SRGAP2: variants seen among roughly 807,000 people sequenced by gnomAD.
SRGAP2 encodes the protein SLIT-ROBO Rho GTPase-activating protein 2.
In SRGAP2, 15 loss-of-function variants were observed where a neutral mutation model predicts 57.2. The ratio of observed to expected loss-of-function variants is 0.26; its 90% CI spans 0.18 to 0.40. The LOEUF (loss-of-function observed/expected upper bound fraction) is 0.40, where lower values mean the gene tolerates loss of function less well. SRGAP2 is among the 10% of genes least tolerant of loss of function. The pLI is 1.00. For missense variants in SRGAP2, 520 were observed against 669.6 expected (o/e 0.78, Z 2.47); for synonymous variants, 249 against 248.0 (o/e 1.00, Z -0.04).
intron 2 of SRGAP2, among the ~76,000 whole-genome samples, chr1:206,237,318 C>T (rs1192859225): frequency 1.3e-5 from 2 of 152,118 alleles, no homozygotes; most frequent in African/African-American, 4.8e-5. Flanking sequence ...TGAATGTACA[C>T]GTATTCACAA....
chr1:206,312,998 G>A (rs2987942), intron 3 of SRGAP2, among the ~76,000 whole-genome samples: 1,868 of 119,084 alleles, frequency 0.016, no homozygotes, highest in East Asian at 0.047. Context: ...ATTACCTTTC[G>A]GTCATAGCTC....
At chr1:206,437,857 A>T (rs993707333) in intron 15 of SRGAP2, 107 bp from the exon 16 acceptor site, 8 of 722,142 alleles carry the variant, frequency 1.1e-5, no homozygotes, top group Middle Eastern at 3.9e-4. Context: ...CAGAAAGCTG[A>T]TGGATTGGGA....
intron 16 of SRGAP2, among the ~76,000 whole-genome samples, chr1:206,439,217 A>T (rs1206193314): frequency 6.6e-6 from 1 of 152,126 alleles, no homozygotes; most frequent in Non-Finnish European, 1.5e-5. Context: ...GGCAGTGTTT[A>T]CATGGCACAC....
rs778482801 is a variant in SRGAP2, at chr1:206,439,973, C to T, written c.1769-3C>T. ...GGATAACACATGGCTTTCTTCTTTT[C>T]AGCAATGGACAACCTGCAGGAGAGA... On this transcript the variant is annotated splice_region_variant and splice_polypyrimidine_tract_variant and intron_variant, in intron 16 of 22. Coordinates refer to ENST00000573034, the MANE Select transcript of SRGAP2 (RefSeq NM_015326.5). 2 of 780,596 alleles carry T rather than the reference C, an allele frequency of 2.6e-6. No homozygotes were observed. The highest frequency in any genetic ancestry group is 4.8e-6 in the Non-Finnish European group (2 of 417,844). 48.4% of individuals were successfully genotyped at this position (780,596 alleles called of 1,614,324 possible).
At chr1:206,256,556 A>G (rs1248140096) in intron 2 of SRGAP2, among the ~76,000 whole-genome samples, 3 of 149,250 alleles carry the variant, frequency 2.0e-5, no homozygotes, top group African/African-American at 7.5e-5. Context: ...GGGAGAATGT[A>G]GACACTTGGA....
chr1:206,207,289 GGAAGGTAGTCT>G (rs1416895528), intron 2 of SRGAP2: 1 of 151,748 alleles, frequency 6.6e-6, no homozygotes, highest in Non-Finnish European at 1.5e-5. Flanking sequence ...TTGGAAGGTT[GGAAGGTAGTCT>G]GAAGTCCTCA....
chr1:206,446,035 C>T (rs782773777), intron 17 of SRGAP2, 40 bp from the exon 18 acceptor site: 19 of 775,324 alleles, frequency 2.5e-5, no homozygotes, highest in Non-Finnish European at 3.9e-5. Flanking sequence ...GGCATTCATG[C>T]GAGAGCTTTC....
At chr1:206,206,179 G>T in intron 2 of SRGAP2, 142 bp downstream of exon 2, 1 of 557,706 alleles carries the variant, frequency 1.8e-6, no homozygotes. Flanking sequence ...TCATAGATGG[G>T]TCTGAACCTC....
chr1:206,213,151 A>C (rs868922917), intron 2 of SRGAP2, among the ~76,000 whole-genome samples: 47 of 152,218 alleles, frequency 3.1e-4, no homozygotes, highest in Admixed American at 5.2e-4. Flanking sequence ...AGATCTCGCC[A>C]TTGCACTGCA....
chr1:206,326,392 G>C lies in SRGAP2; in HGVS notation c.261-16454G>C, dbSNP rs201602455. 1.6e-4 allele frequency among the ~76,000 whole-genome samples: 24 copies of C among 151,872 alleles called. No individual in the cohort carries two copies. The East Asian group carries it at 4.4e-3, about 28-fold the overall frequency. On this transcript the variant is annotated intron_variant, in intron 3 of 22. Coordinates refer to ENST00000573034, the MANE Select transcript of SRGAP2 (RefSeq NM_015326.5). The stretch of plus-strand genomic sequence containing the variant: ...GTGTGTCAACATGCTTTCAGGCGCC[G>C]TTAGGCAGCAGCAGTTTTGCTCCCT...
chr1:206,428,287 G>A (rs528336419), intron 13 of SRGAP2, among the ~76,000 whole-genome samples: 122 of 151,610 alleles, frequency 8.0e-4, no homozygotes, highest in African/African-American at 2.9e-3. Context: ...CATAGTGGCA[G>A]GTGCCTGTAT....
At chr1:206,213,644 G>T (rs1447308252) in intron 2 of SRGAP2, among the ~76,000 whole-genome samples, 3 of 152,088 alleles carry the variant, frequency 2.0e-5, no homozygotes, top group Non-Finnish European at 2.9e-5. Flanking sequence ...GCTTGGCTGG[G>T]TGTGGTGGCT....
chr1:206,460,730 T>C (rs578159389), intron 22 of SRGAP2, among the ~76,000 whole-genome samples: 2 of 152,322 alleles, frequency 1.3e-5, no homozygotes, highest in East Asian at 3.9e-4. Flanking sequence ...CGTGTTTCTC[T>C]TCCCCACTAG....
rs1202529027 is a variant in SRGAP2, at chr1:206,286,341, G to T, written c.68-16940G>T. Reference sequence around the variant, plus strand: ...GGGTTTCCTTTTTTAATTTCTAAAGGAATAACTCTTGCTTATTTTTTTTAA... The same window carrying T: ...GGGTTTCCTTTTTTAATTTCTAAAGTAATAACTCTTGCTTATTTTTTTTAA... On this transcript the variant is annotated intron_variant, in intron 2 of 22. Coordinates refer to ENST00000573034, the MANE Select transcript of SRGAP2 (RefSeq NM_015326.5). Among the ~76,000 whole-genome samples the T allele has an allele frequency of 8.3e-4, 126 of 152,176 alleles. 1 individual carries two copies. The highest frequency in any genetic ancestry group is 2.5e-3 in the African/African-American group (105 of 41,516).
At chr1:206,222,621 G>A (rs61815494) in intron 2 of SRGAP2, among the ~76,000 whole-genome samples, 5 of 142,992 alleles carry the variant, frequency 3.5e-5, no homozygotes, top group Admixed American at 7.0e-5. Flanking sequence ...AATCTCTTGA[G>A]CCCAGGGGTT....
In SRGAP2 at chr1:206,232,177, C is replaced by A. The variant is rs1291380487; in HGVS notation, c.67+26140C>A. Among the ~76,000 whole-genome samples, 10 of 152,196 alleles carry A rather than the reference C, an allele frequency of 6.6e-5. No homozygotes were observed. In the South Asian group the frequency reaches 2.1e-3, roughly 32 times the overall value. ...GGGCTGGGGTGCTTATCTGTAGTAG[C>A]CAGACGGCCTGGGCGCTCACAGTAA... is the stretch of plus-strand genomic sequence containing the variant. On this transcript the variant is annotated intron_variant, in intron 2 of 22. Coordinates refer to ENST00000573034, the MANE Select transcript of SRGAP2 (RefSeq NM_015326.5).
intron 2 of SRGAP2, among the ~76,000 whole-genome samples, chr1:206,249,001 C>A (rs1486718230): frequency 6.6e-6 from 1 of 152,250 alleles, no homozygotes; most frequent in Non-Finnish European, 1.5e-5. Context: ...CAGTGACTTT[C>A]CAGTTTTTAC....
At chr1:206,398,453 TTATATA>T (rs1657830601) in intron 7 of SRGAP2, among the ~76,000 whole-genome samples, 1 of 152,018 alleles carries the variant, frequency 6.6e-6, no homozygotes, top group East Asian at 1.9e-4. Context: ...TACAGAATAG[TTATATA>T]AACAGAGGCA....
chr1:206,301,988 A>T (rs1311341831), intron 2 of SRGAP2, among the ~76,000 whole-genome samples: 3 of 149,416 alleles, frequency 2.0e-5, no homozygotes, highest in African/African-American at 7.5e-5. Context: ...AAAACTCTAG[A>T]CCCCCTCTCC....
Sources: gnomAD v4.1 joint callset for allele counts (sites outside exome capture counted in the v4.1 genomes callset) on GRCh38, gnomAD v4.1.1 for gene constraint, MANE v1.5 for transcripts, NCBI Gene and HGNC (gene_info 2026-07-23, HGNC 2026-07-21) for gene names.